The following ITPR1 variants were observed in gnomAD, a reference collection of about 807,000 sequenced individuals.
ITPR1 encodes inositol 1,4,5-trisphosphate-gated calcium channel ITPR1.
In ITPR1, 96 loss-of-function variants were observed where a neutral mutation model predicts 318.4. That is an observed-to-expected ratio of 0.30 (90% CI 0.26 to 0.36). The LOEUF (loss-of-function observed/expected upper bound fraction) is 0.36. Ranked by LOEUF, ITPR1 falls within the 10% of genes least tolerant of loss-of-function variation. ITPR1 has a pLI of 1.00. For missense variants in ITPR1, 2,440 were observed against 3,460.2 expected (o/e 0.71, Z 7.40); for synonymous variants, 1,312 against 1,289.9 (o/e 1.02, Z -0.37).
chr3:4,588,106 C>A (rs990426512), intron 4 of ITPR1, among the ~76,000 whole-genome samples: 2 of 152,192 alleles, frequency 1.3e-5, no homozygotes, highest in Admixed American at 1.3e-4. Context: ...TAGCTGTCCC[C>A]TTAAGCACCC....
chr3:4,607,537 T>C (rs1211738317), intron 4 of ITPR1, among the ~76,000 whole-genome samples: 2 of 152,148 alleles, frequency 1.3e-5, no homozygotes, highest in African/African-American at 4.8e-5. Context: ...GAGAGAGTTT[T>C]ATACACATAG....
At chr3:4,768,215 G>C (rs2045943025) in intron 45 of ITPR1, 1 of 298,430 alleles carries the variant, frequency 3.4e-6, no homozygotes, top group Non-Finnish European at 6.2e-6. Context: ...AGATCAGGAA[G>C]CTGAGGCCCA....
At chr3:4,552,720 C>T (rs571971400) in intron 4 of ITPR1, among the ~76,000 whole-genome samples, 6 of 152,288 alleles carry the variant, frequency 3.9e-5, no homozygotes, top group African/African-American at 1.2e-4. Context: ...TAACCTTCAG[C>T]CTCTCTTCCC....
chr3:4,720,859 G>A (rs1459854670), intron 40 of ITPR1, among the ~76,000 whole-genome samples: 2 of 152,068 alleles, frequency 1.3e-5, no homozygotes, highest in Non-Finnish European at 2.9e-5. Flanking sequence ...TTCTCATGAC[G>A]CCCAACCCAG....
chr3:4,552,936 G>T (rs7642560), intron 4 of ITPR1, among the ~76,000 whole-genome samples: 11,939 of 152,212 alleles, frequency 0.078, 1,502 homozygotes, highest in African/African-American at 0.26. Flanking sequence ...TTCACAATGT[G>T]ACAGTAATGA....
At chr3:4,629,310 C>G (rs1168838437) in intron 5 of ITPR1, among the ~76,000 whole-genome samples, 2 of 152,176 alleles carry the variant, frequency 1.3e-5, no homozygotes, top group Admixed American at 6.5e-5. Context: ...CCTGGCTCTT[C>G]TTGAGCTAGG....
At chr3:4,645,314 G>A (rs149305819) in intron 8 of ITPR1, 73 bp from the exon 9 acceptor site, 2 of 1,011,416 alleles carry the variant, frequency 2.0e-6, no homozygotes, top group African/African-American at 3.1e-5. Flanking sequence ...AGGCTGCGGT[G>A]AGAAGTCTGG....
At chr3:4,714,854 T>G (rs2041646591) in intron 39 of ITPR1, among the ~76,000 whole-genome samples, 1 of 152,220 alleles carries the variant, frequency 6.6e-6, no homozygotes, top group Non-Finnish European at 1.5e-5. Context: ...AGAAAGGCCA[T>G]GAAGAACTGT....
Position 4,658,112 on chromosome 3 carries a change from T to C in ITPR1, c.997-12T>C. 6.2e-7 allele frequency: 1 copy of C among 1,602,646 alleles called. No homozygotes were observed. The highest frequency in any genetic ancestry group is 1.7e-4 in the Middle Eastern group (1 of 6,022). ...ATGCATGGTTCTTGATTTGGTGACT[T>C]TACCTCCTCAGGTGGACCCTGATCA... On this transcript the variant is annotated splice_polypyrimidine_tract_variant and intron_variant, in intron 12 of 61. Coordinates refer to ENST00000649015, the MANE Select transcript of ITPR1 (RefSeq NM_001378452.1).
intron 4 of ITPR1, among the ~76,000 whole-genome samples, chr3:4,624,008 A>T (rs1290238773): frequency 6.6e-6 from 1 of 152,166 alleles, no homozygotes; most frequent in Non-Finnish European, 1.5e-5. Flanking sequence ...TGAGCTTGTG[A>T]TGTAGCCCCT....
At chr3:4,633,017 C>A (rs542663719) in intron 5 of ITPR1, among the ~76,000 whole-genome samples, 1 of 141,670 alleles carries the variant, frequency 7.1e-6, no homozygotes, top group South Asian at 2.2e-4. Context: ...CAGCTCACTG[C>A]AACCTCCACC....
chr3:4,717,413 T>A lies in ITPR1; in HGVS notation c.5136+14T>A. On this transcript the variant is annotated intron_variant, in intron 40 of 61. Coordinates refer to ENST00000649015, the MANE Select transcript of ITPR1 (RefSeq NM_001378452.1). ...GATAATGCTGAGGTCCTAATTTTGT[T>A]GTTTTTTGTTTTTCATGTCTCATGG... 6.3e-7 allele frequency: 1 copy of A among 1,589,616 alleles called. No homozygotes were observed. Among genetic ancestry groups the A allele is most frequent in the Non-Finnish European group, 8.5e-7 (1 of 1,170,896 alleles).
intron 44 of ITPR1, among the ~76,000 whole-genome samples, chr3:4,740,826 C>CA (rs1420700008): frequency 6.6e-6 from 1 of 152,168 alleles, no homozygotes; most frequent in Non-Finnish European, 1.5e-5. Context: ...AAACGGGTGA[C>CA]ACGTTGTCAG....
At chr3:4,820,093 C>T (rs1457171145) in intron 60 of ITPR1, among the ~76,000 whole-genome samples, 3 of 152,176 alleles carry the variant, frequency 2.0e-5, no homozygotes, top group South Asian at 2.1e-4. Context: ...GTGTGGATTT[C>T]CACAGGTGAG....
intron 56 of ITPR1, 111 bp downstream of exon 56, chr3:4,811,571 C>A: frequency 1.3e-6 from 1 of 780,036 alleles, no homozygotes; most frequent in Non-Finnish European, 2.0e-6. Context: ...CATTGTATCT[C>A]CCTAACACGC....
At chr3:4,551,614 C>T (rs947302871) in intron 4 of ITPR1, among the ~76,000 whole-genome samples, 4 of 152,212 alleles carry the variant, frequency 2.6e-5, no homozygotes, top group African/African-American at 9.6e-5. Flanking sequence ...CTGGCCTTGG[C>T]CAGGGACTTA....
chr3:4,801,065 A>C (rs2048198192), intron 54 of ITPR1, among the ~76,000 whole-genome samples: 1 of 152,178 alleles, frequency 6.6e-6, no homozygotes. Context: ...GGAAGAGGAG[A>C]AGCAGAGACA....
At position 4,673,126 on chromosome 3, in the gene ITPR1, C is replaced by A. The variant is rs900441263; in HGVS notation, c.2205-10C>A. ...GAGCGTGAGCTGTGTGCCCTTGTTC[C>A]TTCCTCTAGATATCAGCTGAACCTC... is the stretch of plus-strand genomic sequence containing the variant. On this transcript the variant is annotated splice_polypyrimidine_tract_variant and intron_variant, in intron 20 of 61. Coordinates refer to ENST00000649015, the MANE Select transcript of ITPR1 (RefSeq NM_001378452.1). The A allele has an allele frequency of 1.1e-5, 17 of 1,609,726 alleles. No homozygotes were observed. Among genetic ancestry groups the A allele is most frequent in the Non-Finnish European group, 1.3e-5 (15 of 1,176,894 alleles).
chr3:4,531,285 G>C (rs1316218847), intron 4 of ITPR1, among the ~76,000 whole-genome samples: 1 of 152,176 alleles, frequency 6.6e-6, no homozygotes, highest in East Asian at 1.9e-4. Flanking sequence ...TAACGCAGGG[G>C]TAACTTGGAG....
Sources: allele counts gnomAD v4.1 joint callset (sites outside exome capture counted in the v4.1 genomes callset), GRCh38; gene constraint gnomAD v4.1.1; transcripts MANE v1.5; gene names NCBI Gene and HGNC (gene_info 2026-07-23, HGNC 2026-07-21).